Variants in INTS9 observed in about 807,000 individuals in gnomAD.
INTS9 encodes the protein protein related to CPSF subunits of 74 kDa.
A neutral mutation model predicts 79.7 loss-of-function variants in INTS9; 55 were observed. The ratio of observed to expected loss-of-function variants is 0.69; its 90% CI spans 0.56 to 0.86. The LOEUF (loss-of-function observed/expected upper bound fraction) is 0.86, where lower values mean the gene tolerates loss of function less well. INTS9 is among the 40% of genes least tolerant of loss of function. INTS9 has a pLI of 0.00. For missense variants in INTS9, 721 were observed against 831.5 expected (o/e 0.87, Z 1.64); for synonymous variants, 319 against 325.2 (o/e 0.98, Z 0.20).
In INTS9 at chr8:28,775,851, C is replaced by T. The variant is rs1378206899; in HGVS notation, c.1471G>A (p.Asp491Asn). Residue 491 changes from aspartate (D) to asparagine (N), a missense_variant, in exon 14 of 17, where the codon GAC becomes AAC. Asp to Asn is a conservative substitution (Grantham distance 23, BLOSUM62 1). Transcript: ENST00000521022. ...AQSHRMDLMI[D>N]CQPPAMSYRR... is the part of the protein sequence containing the mutation. The stretch of plus-strand genomic sequence containing the variant: ...TAGGACATGGCGGGGGGCTGGCAGT[C>T]GATCATGAGGTCCATCCTGTGGGAC... 3.7e-6 allele frequency: 6 copies of T among 1,613,058 alleles called. No individual in the cohort carries two copies. Among genetic ancestry groups the T allele is most frequent in the African/African-American group, 1.3e-5 (1 of 74,884 alleles).
Position 28,793,865 on chromosome 8 carries a change from A to G in INTS9, c.979T>C (p.Tyr327His), listed in dbSNP as rs931933739. 26 of 1,613,660 alleles carry G rather than the reference A, an allele frequency of 1.6e-5. No individual in the cohort carries two copies. Among genetic ancestry groups the G allele is most frequent in the Non-Finnish European group, 2.2e-5 (26 of 1,179,946 alleles). Residue 327 changes from tyrosine to histidine, a missense_variant, in exon 10 of 17, where the codon TAC (tyrosine) becomes CAC (histidine). Around this residue, in one of 3 missense-constraint regions of INTS9, gnomAD observed 149 missense variants for 223.7 expected, o/e 0.67. Coordinates refer to ENST00000521022, the MANE Select transcript of INTS9 (RefSeq NM_018250.4). ...CTGTTGGCCACAGGGGAGATGAAGT[A>G]GAGGGGGACGCTGGAAAGCCCGGCT... ...DSAGLSSVPL[Y>H]FISPVANSSL...
intron 6 of INTS9, among the ~76,000 whole-genome samples, chr8:28,825,297 G>GGAT (rs1298852252): frequency 5.3e-5 from 8 of 152,198 alleles, no homozygotes; most frequent in African/African-American, 1.9e-4. Flanking sequence ...GGACCGTGAT[G>GGAT]GATAATGATG....
At chr8:28,783,969 C>G (rs1231265134) in intron 11 of INTS9, 2 of 152,184 alleles carry the variant, frequency 1.3e-5, no homozygotes, top group African/African-American at 2.4e-5. Context: ...CTCTACTGAT[C>G]AATGCACAGA....
At chr8:28,776,807 C>T (rs546111177) in intron 13 of INTS9, among the ~76,000 whole-genome samples, 2 of 152,298 alleles carry the variant, frequency 1.3e-5, no homozygotes, top group South Asian at 2.1e-4. Flanking sequence ...AGGTGGCCTC[C>T]AGTTTCCAGG....
chr8:28,824,418 C>T (rs1207227190), intron 6 of INTS9, among the ~76,000 whole-genome samples: 1 of 152,194 alleles, frequency 6.6e-6, no homozygotes, highest in African/African-American at 2.4e-5. Context: ...CTGGGCTTTT[C>T]TAGTGCAAGG....
intron 2 of INTS9, among the ~76,000 whole-genome samples, chr8:28,857,583 C>A (rs1488518170): frequency 6.6e-6 from 1 of 151,792 alleles, no homozygotes; most frequent in Admixed American, 6.6e-5. Flanking sequence ...CCAAGACAAA[C>A]CAAAGATATA....
chr8:28,796,817 C>A, intron 8 of INTS9, 162 bp from the exon 9 acceptor site: 1 of 578,740 alleles, frequency 1.7e-6, no homozygotes, highest in Non-Finnish European at 3.1e-6. Context: ...CACTGGCTGC[C>A]TAAGTTGGGT....
In INTS9 at chr8:28,793,851, A is replaced by G. The variant is rs762530938; in HGVS notation, c.993T>C (p.Pro331=). The change falls in exon 10 of 17, where the codon CCT becomes CCC. Residue 331 remains proline (P), a synonymous_variant. Transcript: ENST00000521022. ...AAAACTCCAGTGAACTGTTGGCCAC[A>G]GGGGAGATGAAGTAGAGGGGGACGC... ...LSSVPLYFIS[P]VANSSLEFSQ... 1.6e-5 allele frequency: 26 copies of G among 1,613,514 alleles called. No homozygotes were observed. Among genetic ancestry groups the G allele is most frequent in the African/African-American group, 2.7e-5 (2 of 74,830 alleles).
At chr8:28,804,925 G>C (rs907634835) in intron 8 of INTS9, among the ~76,000 whole-genome samples, 1 of 152,142 alleles carries the variant, frequency 6.6e-6, no homozygotes, top group African/African-American at 2.4e-5. Context: ...TCAGGGGCTG[G>C]AAGATTTTTT....
chr8:28,791,879 T>C (rs1459439232), intron 10 of INTS9, among the ~76,000 whole-genome samples: 1 of 152,198 alleles, frequency 6.6e-6, no homozygotes, highest in Admixed American at 6.5e-5. Context: ...ACACATCCCA[T>C]GTCTCAGCAT....
chr8:28,849,611 C>T (rs1237197069), intron 3 of INTS9, among the ~76,000 whole-genome samples: 2 of 151,904 alleles, frequency 1.3e-5, no homozygotes, highest in African/African-American at 4.8e-5. Context: ...AGAGTACTGT[C>T]CCCTGCACAA....
intron 8 of INTS9, among the ~76,000 whole-genome samples, chr8:28,802,946 CAAAAAA>C (rs575727940): frequency 0.016 from 1,051 of 65,330 alleles, 9 homozygotes; most frequent in African/African-American, 0.047. Context: ...CCCGTTTCTA[CAAAAAA>C]AAAAAAAAAA....
chr8:28,884,740 C>T (rs961012378), intron 1 of INTS9, among the ~76,000 whole-genome samples: 1 of 152,168 alleles, frequency 6.6e-6, no homozygotes, highest in African/African-American at 2.4e-5. Context: ...CACAGGAGGG[C>T]ACTCTTATTA....
At chr8:28,858,427 T>C (rs1372032065) in intron 2 of INTS9, among the ~76,000 whole-genome samples, 3 of 152,180 alleles carry the variant, frequency 2.0e-5, no homozygotes, top group Admixed American at 2.0e-4. Flanking sequence ...ATCAGGCCAT[T>C]TTATTAGGAA....
At chr8:28,780,228 A>T (rs1030381533) in intron 12 of INTS9, 9 of 1,964 alleles carry the variant, frequency 4.6e-3, no homozygotes, top group African/African-American at 0.013. Flanking sequence ...CTGATGAGCT[A>T]AAAAAAAAAA....
intron 1 of INTS9, among the ~76,000 whole-genome samples, chr8:28,873,468 C>T (rs1809199854): frequency 6.6e-6 from 1 of 152,100 alleles, no homozygotes; most frequent in African/African-American, 2.4e-5. Context: ...AAGCCAGACA[C>T]AAATGAGACA....
At chr8:28,773,230 A>G (rs779638066) in intron 14 of INTS9, among the ~76,000 whole-genome samples, 6 of 152,148 alleles carry the variant, frequency 3.9e-5, no homozygotes, top group East Asian at 3.9e-4. Context: ...CTGGGAGGCC[A>G]AGGCGGGTGG....
chr8:28,778,003 T>C (rs201166588), intron 12 of INTS9, 50 bp from the exon 13 acceptor site: 54 of 1,525,072 alleles, frequency 3.5e-5, no homozygotes, highest in Non-Finnish European at 4.5e-5. Context: ...ACACAGGAGC[T>C]GCCAAGCCAG....
intron 6 of INTS9, among the ~76,000 whole-genome samples, chr8:28,828,533 C>T (rs887518280): frequency 6.6e-6 from 1 of 152,066 alleles, no homozygotes; most frequent in African/African-American, 2.4e-5. Flanking sequence ...AATAAGTTGC[C>T]ACAACTACCA....
Sources: allele counts gnomAD v4.1 joint callset (sites outside exome capture counted in the v4.1 genomes callset), GRCh38; gene constraint gnomAD v4.1.1; regional missense constraint gnomAD v4.1.1; transcripts MANE v1.5; gene names NCBI Gene and HGNC (gene_info 2026-07-23, HGNC 2026-07-21).